UBE2K: variants seen among roughly 807,000 people sequenced by gnomAD.
The protein encoded by UBE2K is ubiquitin conjugating enzyme E2 K, also known as ubiquitin-conjugating enzyme E2 K.
In UBE2K, 6 loss-of-function variants were observed where a neutral mutation model predicts 30.0. The ratio of observed to expected loss-of-function variants is 0.20; its 90% CI spans 0.11 to 0.39. The LOEUF is 0.39. UBE2K is among the 10% of genes least tolerant of loss of function. The pLI, the probability that UBE2K is intolerant of heterozygous loss-of-function variation, is 1.00. For synonymous variants in UBE2K, 86 were observed against 83.7 expected (o/e 1.03, Z -0.15); for missense variants, 61 against 241.6 (o/e 0.25, Z 4.96).
chr4:39,712,745 T>G (rs1191743751), intron 1 of UBE2K, among the ~76,000 whole-genome samples: 1 of 151,978 alleles, frequency 6.6e-6, no homozygotes, highest in African/African-American at 2.4e-5. Context: ...TATGTTTTTG[T>G]CACTATGATG....
chr4:39,771,192 G>A, intron 4 of UBE2K: 1 of 1,612,954 alleles, frequency 6.2e-7, no homozygotes, highest in Non-Finnish European at 8.5e-7. Flanking sequence ...GAAGCAGGTC[G>A]GCCACGATGC....
intron 3 of UBE2K, among the ~76,000 whole-genome samples, chr4:39,752,194 A>G (rs1721291805): frequency 6.6e-6 from 1 of 152,068 alleles, no homozygotes; most frequent in Admixed American, 6.6e-5. Context: ...GTGCAGTGGC[A>G]CGATCTCAGC....
chr4:39,769,057 C>T (rs1712550604), intron 4 of UBE2K, among the ~76,000 whole-genome samples: 3 of 151,990 alleles, frequency 2.0e-5, no homozygotes, highest in Admixed American at 1.3e-4. Flanking sequence ...AGCTCCTGAC[C>T]TCAAGTTCAG....
At chr4:39,769,626 C>CAT (rs113558580) in intron 4 of UBE2K, among the ~76,000 whole-genome samples, 25,954 of 150,248 alleles carry the variant, frequency 0.17, 3,952 homozygotes, top group African/African-American at 0.41. Flanking sequence ...TCACCCCAGG[C>CAT]CTATTATAAG....
intron 1 of UBE2K, among the ~76,000 whole-genome samples, chr4:39,726,672 T>G (rs1440382710): frequency 6.6e-6 from 1 of 152,172 alleles, no homozygotes; most frequent in East Asian, 1.9e-4. Context: ...CTCGGCTTAC[T>G]GCAACCTCTG....
intron 1 of UBE2K, among the ~76,000 whole-genome samples, chr4:39,712,861 CTT>C (rs542180052): frequency 6.7e-4 from 90 of 133,642 alleles, no homozygotes; most frequent in South Asian, 1.2e-3. Context: ...TTAGTGTTTA[CTT>C]TTTTTTTTTT....
chr4:39,750,826 A>G (rs1721217275), intron 3 of UBE2K, among the ~76,000 whole-genome samples: 1 of 150,554 alleles, frequency 6.6e-6, no homozygotes, highest in Non-Finnish European at 1.5e-5. Context: ...GCTCACTGCA[A>G]CCTCTGCCTC....
intron 4 of UBE2K, among the ~76,000 whole-genome samples, chr4:39,769,218 T>TG (rs942271521): frequency 7.2e-5 from 11 of 151,732 alleles, no homozygotes; most frequent in African/African-American, 2.7e-4. Context: ...TTTTTGTTTT[T>TG]TTTTTTTTTT....
At chr4:39,770,553 G>A in intron 4 of UBE2K, 1 of 1,593,154 alleles carries the variant, frequency 6.3e-7, no homozygotes, top group Non-Finnish European at 8.5e-7. Flanking sequence ...CGCCGCTGCT[G>A]CTTCCACCAG....
chr4:39,717,100 G>A (rs1031427067), intron 1 of UBE2K, among the ~76,000 whole-genome samples: 2 of 151,564 alleles, frequency 1.3e-5, no homozygotes, highest in Non-Finnish European at 2.9e-5. Context: ...CTGGGAGATC[G>A]AGGCTGCGGT....
Position 39,781,326 on chromosome 4 carries a change from T to C in UBE2K, c.*2892T>C, listed in dbSNP as rs1713598570. 6.6e-6 allele frequency: 1 copy of C among 152,170 alleles called. No homozygotes were observed. The highest frequency in any genetic ancestry group is 2.1e-4 in the South Asian group (1 of 4,834). The allele number at this position is 152,170 out of a possible 1,614,324, so 9.4% of individuals were successfully genotyped here. On this transcript the variant is annotated 3_prime_UTR_variant, in exon 7 of 7. Transcript: ENST00000261427. ...ATCTATGAAATGGAAGACTTGATTT[T>C]TTTTTTCATTTTTTAGAAGTAATAC...
chr4:39,777,618 G>T, intron 5 of UBE2K, 64 bp from the exon 6 acceptor site: 1 of 1,396,170 alleles, frequency 7.2e-7, no homozygotes, highest in South Asian at 1.6e-5. Context: ...AGGCGATTAA[G>T]AGCTGAAATA....
chr4:39,762,361 C>T (rs923384060), intron 4 of UBE2K, among the ~76,000 whole-genome samples: 1 of 152,090 alleles, frequency 6.6e-6, no homozygotes, highest in East Asian at 1.9e-4. Context: ...TACTCCTGGT[C>T]TATAGTATTT....
intron 1 of UBE2K, among the ~76,000 whole-genome samples, chr4:39,704,564 CAG>C (rs1193969011): frequency 6.6e-6 from 1 of 151,950 alleles, no homozygotes; most frequent in Non-Finnish European, 1.5e-5. Context: ...ATTTTTGAAA[CAG>C]AGTCTCACTG....
intron 3 of UBE2K, among the ~76,000 whole-genome samples, chr4:39,751,177 A>C (rs1721233634): frequency 6.6e-6 from 1 of 151,682 alleles, no homozygotes; most frequent in African/African-American, 2.4e-5. Context: ...TCCTGAGCTT[A>C]AGCAGCCCAC....
intron 4 of UBE2K, among the ~76,000 whole-genome samples, chr4:39,763,725 A>G (rs1366787826): frequency 1.3e-5 from 2 of 152,106 alleles, no homozygotes; most frequent in African/African-American, 4.8e-5. Flanking sequence ...TCCAAACTAT[A>G]TCAATAGGTT....
chr4:39,713,831 T>G (rs1261876119), intron 1 of UBE2K: 1 of 152,120 alleles, frequency 6.6e-6, no homozygotes, highest in Non-Finnish European at 1.5e-5. Context: ...TATACTTTCT[T>G]CATTTTTGTT....
chr4:39,708,332 TCAAA>T (rs1437715974), intron 1 of UBE2K, among the ~76,000 whole-genome samples: 1 of 152,088 alleles, frequency 6.6e-6, no homozygotes, highest in Non-Finnish European at 1.5e-5. Flanking sequence ...TCTTACATAC[TCAAA>T]CATAGTTTTA....
At chr4:39,752,311 A>ATTTTTTTTTTTTTTT (rs751312791) in intron 3 of UBE2K, among the ~76,000 whole-genome samples, 2 of 118,544 alleles carry the variant, frequency 1.7e-5, no homozygotes, top group African/African-American at 6.3e-5. Flanking sequence ...CGCCTGGCTA[A>ATTTTTTTTTTTTTTT]TTTTTTTTTT....
Sources: gnomAD v4.1 joint callset for allele counts (sites outside exome capture counted in the v4.1 genomes callset) on GRCh38, gnomAD v4.1.1 for gene constraint, MANE v1.5 for transcripts, NCBI Gene and HGNC (gene_info 2026-07-23, HGNC 2026-07-21) for gene names.